The following TRPM3 variants were observed in gnomAD, a reference collection of about 807,000 sequenced individuals.
TRPM3 encodes long transient receptor potential channel 3.
TRPM3 carries 77 observed loss-of-function variants against 181.2 expected under a neutral mutation model. The ratio of observed to expected loss-of-function variants is 0.42; its 90% CI spans 0.35 to 0.51. The LOEUF (loss-of-function observed/expected upper bound fraction) is 0.51, where lower values mean the gene tolerates loss of function less well. Ranked by LOEUF, TRPM3 falls within the 20% of genes least tolerant of loss-of-function variation. The pLI is 0.01. For missense variants in TRPM3, 1,759 were observed against 2,196.7 expected (o/e 0.80, Z 3.98); for synonymous variants, 745 against 796.4 (o/e 0.94, Z 1.09).
At chr9:71,063,683 G>C (rs1229288044) in intron 1 of TRPM3, among the ~76,000 whole-genome samples, 1 of 152,108 alleles carries the variant, frequency 6.6e-6, no homozygotes, top group Non-Finnish European at 1.5e-5. Context: ...TGAGGGGGCT[G>C]AGGGGAGGGT....
rs1398031517 is a variant in TRPM3 at position 71,351,870 on chromosome 9, G to GTTTTTTTTTTTTTTTT, written c.183+94782_183+94783insAAAAAAAAAAAAAAAA. On this transcript the variant is annotated intron_variant, in intron 1 of 24. Coordinates refer to the TRPM3 transcript ENST00000357533. Reference sequence around the variant, plus strand: ...ATGGGAAGTTTTTGTTTGTTTGTTTGTTTTTGTTTTTTTTTTTTTTTTTGA... The same window carrying GTTTTTTTTTTTTTTTT: ...ATGGGAAGTTTTTGTTTGTTTGTTTGTTTTTTTTTTTTTTTTTTTTTGTTTTTTTTTTTTTTTTTGA... Among the ~76,000 whole-genome samples the GTTTTTTTTTTTTTTTT allele has an allele frequency of 3.1e-5, 3 of 95,658 alleles. 1 individual carries two copies. The highest frequency in any genetic ancestry group is 4.3e-5 in the Non-Finnish European group (2 of 46,776). The allele number at this position is 95,658 out of a possible 152,430, so 62.8% of individuals were successfully genotyped here. A position where few individuals can be genotyped will look rare whatever the true frequency, so the allele number is the denominator to read the frequency against.
chr9:70,535,529 G>A lies in TRPM3; in HGVS notation c.*424C>T. On this transcript the variant is annotated 3_prime_UTR_variant, in exon 26 of 26. Coordinates refer to ENST00000677713, the MANE Select transcript of TRPM3 (RefSeq NM_001366145.2). ...TTTAGAATATCTCATTGTGTACGCT[G>A]GCTATTTTATTTTATTTTGCAATTT... 1 of 1,546,692 alleles carries A rather than the reference G, an allele frequency of 6.5e-7. No individual in the cohort carries two copies. The highest frequency in any genetic ancestry group is 8.7e-7 in the Non-Finnish European group (1 of 1,146,166).
chr9:71,248,066 A>C (rs992002514), intron 1 of TRPM3, among the ~76,000 whole-genome samples: 2 of 152,182 alleles, frequency 1.3e-5, no homozygotes, highest in South Asian at 4.1e-4. Context: ...AGTACATCTC[A>C]CTCTCTTTTG....
At chr9:71,078,432 C>T (rs928455232) in intron 1 of TRPM3, among the ~76,000 whole-genome samples, 2 of 152,010 alleles carry the variant, frequency 1.3e-5, no homozygotes, top group Non-Finnish European at 2.9e-5. Flanking sequence ...ATAGTAATTG[C>T]TTCTTGGGAG....
At chr9:70,657,067 A>G (rs1165024735) in intron 9 of TRPM3, among the ~76,000 whole-genome samples, 2 of 151,924 alleles carry the variant, frequency 1.3e-5, no homozygotes, top group African/African-American at 4.8e-5. Context: ...GTCCAAGAAT[A>G]TCATGAACAA....
intron 1 of TRPM3, among the ~76,000 whole-genome samples, chr9:70,922,232 T>A (rs940309809): frequency 6.6e-6 from 1 of 152,142 alleles, no homozygotes; most frequent in Non-Finnish European, 1.5e-5. Flanking sequence ...CTAACTACAT[T>A]CCTTTTTTAT....
intron 1 of TRPM3, among the ~76,000 whole-genome samples, chr9:70,971,540 A>T (rs1189428648): frequency 6.8e-6 from 1 of 148,132 alleles, no homozygotes; most frequent in East Asian, 2.3e-4. Flanking sequence ...ATTGTCTTTC[A>T]GGGGGGAAAT....
intron 1 of TRPM3, among the ~76,000 whole-genome samples, chr9:71,253,551 T>C (rs936739372): frequency 1.8e-4 from 27 of 152,186 alleles, no homozygotes; most frequent in African/African-American, 5.8e-4. Context: ...AAGTTTCAAT[T>C]GTTCTTCACA....
At chr9:70,951,527 A>C (rs1452161200) in intron 1 of TRPM3, among the ~76,000 whole-genome samples, 2 of 152,104 alleles carry the variant, frequency 1.3e-5, no homozygotes, top group African/African-American at 4.8e-5. Context: ...TTTTTAGTAG[A>C]GACGCGGTTT....
At chr9:70,639,025 A>G (rs947698172) in intron 11 of TRPM3, 35 bp downstream of exon 11, 2 of 1,606,406 alleles carry the variant, frequency 1.2e-6, no homozygotes, top group African/African-American at 2.7e-5. Flanking sequence ...AAACAGAAAA[A>G]AAAGAAAATA....
At chr9:70,801,942 A>G (rs1328141249) in intron 6 of TRPM3, among the ~76,000 whole-genome samples, 2 of 152,168 alleles carry the variant, frequency 1.3e-5, no homozygotes, top group Admixed American at 1.3e-4. Context: ...ATGTCTCTCA[A>G]TTTTAGCATG....
chr9:70,783,933 T>C, intron 7 of TRPM3, 172 bp downstream of exon 7: 1 of 1,372,256 alleles, frequency 7.3e-7, no homozygotes, highest in Non-Finnish European at 9.5e-7. Flanking sequence ...ATTTAGAATA[T>C]GTTTCTCTGT....
chr9:70,672,139 C>G (rs1335768070), intron 9 of TRPM3, among the ~76,000 whole-genome samples: 1 of 152,094 alleles, frequency 6.6e-6, no homozygotes, highest in Non-Finnish European at 1.5e-5. Context: ...CCTCTGTTTT[C>G]TTTGGGAACC....
intron 1 of TRPM3, among the ~76,000 whole-genome samples, chr9:71,355,840 A>T (rs1565493260): frequency 1.3e-5 from 2 of 151,554 alleles, no homozygotes; most frequent in Non-Finnish European, 2.9e-5. Context: ...AAAATATTCC[A>T]TTTTTTTTTC....
chr9:71,438,506 C>CAA (rs35560368), intron 1 of TRPM3, among the ~76,000 whole-genome samples: 33 of 149,724 alleles, frequency 2.2e-4, no homozygotes, highest in Admixed American at 8.6e-4. Context: ...CCCTTCTCTA[C>CAA]AAAAAAAAAT....
chr9:71,021,713 C>A (rs2097848993), intron 1 of TRPM3, among the ~76,000 whole-genome samples: 1 of 152,044 alleles, frequency 6.6e-6, no homozygotes, highest in African/African-American at 2.4e-5. Flanking sequence ...TAATGTCATA[C>A]AAAGTCGGGA....
At chr9:71,314,717 A>G (rs967623166) in intron 1 of TRPM3, among the ~76,000 whole-genome samples, 1 of 152,114 alleles carries the variant, frequency 6.6e-6, no homozygotes, top group Non-Finnish European at 1.5e-5. Flanking sequence ...TAGAACAAGT[A>G]AAGTCCCATA....
chr9:70,599,164 CATCTT>C (rs2059474758), intron 20 of TRPM3, among the ~76,000 whole-genome samples: 1 of 152,196 alleles, frequency 6.6e-6, no homozygotes, highest in Admixed American at 6.5e-5. Flanking sequence ...AGCTCCATCA[CATCTT>C]ACAGATTGCA....
chr9:71,370,001 C>A (rs917285933), intron 1 of TRPM3, among the ~76,000 whole-genome samples: 3 of 152,094 alleles, frequency 2.0e-5, no homozygotes, highest in African/African-American at 7.2e-5. Flanking sequence ...TCTGTGATCA[C>A]CAATCTTTGA....
Sources: allele counts gnomAD v4.1 joint callset (sites outside exome capture counted in the v4.1 genomes callset), GRCh38; gene constraint gnomAD v4.1.1; transcripts MANE v1.5; gene names NCBI Gene and HGNC (gene_info 2026-07-23, HGNC 2026-07-21).